CUBN: variants seen among roughly 807,000 people sequenced by gnomAD.
The protein encoded by CUBN is 460 kDa receptor.
CUBN carries 282 observed loss-of-function variants against 405.3 expected under a neutral mutation model. The ratio of observed to expected loss-of-function variants is 0.70; its 90% CI spans 0.63 to 0.77. CUBN has a LOEUF of 0.77. Ranked by LOEUF, CUBN falls within the 30% of genes least tolerant of loss-of-function variation. CUBN has a pLI of 0.00. For synonymous variants in CUBN, 1,684 were observed against 1,617.0 expected (o/e 1.04, Z -0.99); for missense variants, 4,514 against 4,475.2 (o/e 1.01, Z -0.25).
chr10:17,045,277 C>A, intron 24 of CUBN, 89 bp from the exon 25 acceptor site: 1 of 1,260,872 alleles, frequency 7.9e-7, no homozygotes. Flanking sequence ...TGCCATTCTA[C>A]TATCCTTTAA....
intron 28 of CUBN, among the ~76,000 whole-genome samples, chr10:16,993,182 CAAAT>C (rs1488478548): frequency 6.6e-6 from 1 of 152,034 alleles, no homozygotes; most frequent in East Asian, 1.9e-4. Context: ...TCAGTAGTAT[CAAAT>C]AAATTATCCA....
rs372853086 is a variant in CUBN at position 16,874,381 on chromosome 10, C to T, written c.9229G>A (p.Glu3077Lys). Residue 3077 changes from glutamate (E) to lysine (K), a missense_variant, in exon 58 of 67, where the codon GAG (glutamate) becomes AAG (lysine). Physicochemically the swap from Glu to Lys is moderately conservative, Grantham distance 56. Coordinates refer to ENST00000377833, the MANE Select transcript of CUBN (RefSeq NM_001081.4). ...TITVSDDKVI[E>K]LKFSDFDVVP... ...CCAATTTGTCTTACGTACTTGAGCT[C>T]GATCACCTTGTCGTCACTAACGGTG... 121 of 1,614,122 alleles carry T rather than the reference C, an allele frequency of 7.5e-5. 1 individual carries two copies. The East Asian group carries it at 2.4e-3, about 32-fold the overall frequency.
intron 56 of CUBN, among the ~76,000 whole-genome samples, chr10:16,884,764 A>C (rs1352473736): frequency 6.6e-6 from 1 of 152,128 alleles, no homozygotes; most frequent in African/African-American, 2.4e-5. Context: ...CCATATAGGG[A>C]CAAGTGTGTT....
chr10:17,044,956 C>T (rs766203576), intron 25 of CUBN, 51 bp downstream of exon 25: 34 of 1,526,178 alleles, frequency 2.2e-5, no homozygotes, highest in Admixed American at 1.3e-4. Context: ...GTGCATTGTG[C>T]GTTGGGTGAG....
intron 28 of CUBN, among the ~76,000 whole-genome samples, chr10:16,998,533 T>C (rs1278228340): frequency 6.6e-6 from 1 of 152,226 alleles, no homozygotes; most frequent in Non-Finnish European, 1.5e-5. Flanking sequence ...AACAAATTTC[T>C]GTTGTCCCAT....
intron 8 of CUBN, 33 bp downstream of exon 8, chr10:17,113,994 T>C: frequency 1.2e-6 from 2 of 1,606,964 alleles, no homozygotes; most frequent in South Asian, 2.2e-5. Flanking sequence ...CAACCTGGCA[T>C]GCAGAGCCTG....
intron 14 of CUBN, among the ~76,000 whole-genome samples, chr10:17,099,158 T>C (rs1293641300): frequency 6.6e-6 from 1 of 152,044 alleles, no homozygotes; most frequent in Non-Finnish European, 1.5e-5. Flanking sequence ...TCAGGATAGA[T>C]AAAAACACCA....
chr10:17,050,485 GAGA>G (rs962818057), intron 22 of CUBN, among the ~76,000 whole-genome samples: 4 of 152,208 alleles, frequency 2.6e-5, no homozygotes, highest in Non-Finnish European at 4.4e-5. Flanking sequence ...AAATTCTACA[GAGA>G]AGAAGAAGTA....
At position 16,840,931 on chromosome 10, in the gene CUBN, T is replaced by TAAATCCTTCCCTCTCTA; in HGVS notation, c.9779_9780insTAGAGAGGGAAGGATTT (p.Leu3260PhefsTer7). ...CATTAAATCCTTCCCTCTCTAATGT[T>TAAATCCTTCCCTCTCTA]AAGTCACTGATGAATTGAACCGTAA... is the stretch of plus-strand genomic sequence containing the variant. On this transcript the variant is annotated frameshift_variant, in exon 61 of 67. Coordinates refer to ENST00000377833, the MANE Select transcript of CUBN (RefSeq NM_001081.4). LOFTEE classifies it high-confidence loss of function. 6.2e-7 allele frequency: 1 copy of TAAATCCTTCCCTCTCTA among 1,613,606 alleles called. No individual in the cohort carries two copies. Among genetic ancestry groups the TAAATCCTTCCCTCTCTA allele is most frequent in the Non-Finnish European group, 8.5e-7 (1 of 1,179,744 alleles).
intron 58 of CUBN, among the ~76,000 whole-genome samples, chr10:16,872,407 T>A (rs1043764791): frequency 1.3e-5 from 2 of 151,434 alleles, no homozygotes; most frequent in Admixed American, 6.6e-5. Context: ...CATACCTCTA[T>A]GAGTTGGTAT....
chr10:17,049,535 C>T (rs1183888671), intron 22 of CUBN, among the ~76,000 whole-genome samples: 3 of 152,080 alleles, frequency 2.0e-5, no homozygotes, highest in Non-Finnish European at 2.9e-5. Flanking sequence ...TTCCCTTTAT[C>T]TTGCTTACAT....
At chr10:17,122,717 T>C (rs1275569822) in intron 6 of CUBN, 78 bp downstream of exon 6, 16 of 842,678 alleles carry the variant, frequency 1.9e-5, no homozygotes, top group Non-Finnish European at 8.0e-6. Context: ...ATAGTTAATT[T>C]AGGATGCTCT....
intron 22 of CUBN, among the ~76,000 whole-genome samples, chr10:17,059,745 T>A (rs1400059311): frequency 6.6e-6 from 1 of 152,222 alleles, no homozygotes; most frequent in Non-Finnish European, 1.5e-5. Flanking sequence ...TGCTACAATT[T>A]TCTGCTAGGC....
intron 22 of CUBN, among the ~76,000 whole-genome samples, chr10:17,054,388 A>G (rs1402260985): frequency 2.6e-5 from 4 of 151,708 alleles, no homozygotes; most frequent in African/African-American, 4.8e-5. Context: ...GGCTATATCT[A>G]TATCTATCTA....
At position 16,969,696 on chromosome 10, in the gene CUBN, G is replaced by T. The variant is rs115169586; in HGVS notation, c.4695+12788C>A. On this transcript the variant is annotated intron_variant, in intron 31 of 66. Coordinates refer to ENST00000377833, the MANE Select transcript of CUBN (RefSeq NM_001081.4). ...TGTTCATTTGTTTCTTCTACTTGGC[G>T]AATTTTGCCTTTGTTTCCATGACAC... is the stretch of plus-strand genomic sequence containing the variant. 8.8e-3 allele frequency among the ~76,000 whole-genome samples: 1,343 copies of T among 152,160 alleles called. 22 individuals are homozygous for T. Among genetic ancestry groups the T allele is most frequent in the African/African-American group, 0.031 (1,279 of 41,514 alleles).
At chr10:17,091,913 A>G (rs5018267) in intron 14 of CUBN, among the ~76,000 whole-genome samples, 116,000 of 152,082 alleles carry the variant, frequency 0.76, 44,516 homozygotes, top group Middle Eastern at 0.9. Flanking sequence ...ACAATGGGCC[A>G]CTCTGCCTAT....
chr10:16,918,581 T>A, intron 45 of CUBN, 41 bp downstream of exon 45: 1 of 1,480,294 alleles, frequency 6.8e-7, no homozygotes, highest in East Asian at 2.3e-5. Context: ...TCTGCACATG[T>A]ACCCCTGAAC....
intron 28 of CUBN, among the ~76,000 whole-genome samples, chr10:16,999,053 C>A (rs1833809866): frequency 6.6e-6 from 1 of 152,154 alleles, no homozygotes; most frequent in South Asian, 2.1e-4. Context: ...CAATAAAAAA[C>A]AGTGAAAGAA....
intron 31 of CUBN, among the ~76,000 whole-genome samples, chr10:16,966,640 G>A (rs551989088): frequency 1.3e-5 from 2 of 152,160 alleles, no homozygotes; most frequent in South Asian, 4.2e-4. Context: ...GTAGAGACAG[G>A]GTCTCACCAT....
Sources: gnomAD v4.1 joint callset for allele counts (sites outside exome capture counted in the v4.1 genomes callset) on GRCh38, gnomAD v4.1.1 for gene constraint, MANE v1.5 for transcripts, NCBI Gene and HGNC (gene_info 2026-07-23, HGNC 2026-07-21) for gene names.